GRM7: variants seen among roughly 807,000 people sequenced by gnomAD.
GRM7 encodes the protein glutamate metabotropic receptor 7.
Under a neutral mutation model 84.5 loss-of-function variants are expected in GRM7, and 35 were observed. That is an observed-to-expected ratio of 0.41 (90% CI 0.32 to 0.55). The LOEUF (loss-of-function observed/expected upper bound fraction) is 0.55, where lower values mean the gene tolerates loss of function less well. GRM7 is among the 20% of genes least tolerant of loss of function. The pLI is 0.19. For missense variants in GRM7, 1,003 were observed against 1,194.6 expected (o/e 0.84, Z 2.36); for synonymous variants, 487 against 455.1 (o/e 1.07, Z -0.89).
intron 2 of GRM7, among the ~76,000 whole-genome samples, chr3:7,221,585 G>T (rs895536778): frequency 6.6e-6 from 1 of 151,746 alleles, no homozygotes; most frequent in South Asian, 2.1e-4. Context: ...GTTCCACCAT[G>T]ATTTTATTTT....
intron 2 of GRM7, among the ~76,000 whole-genome samples, chr3:7,165,215 G>T (rs577047817): frequency 6.6e-6 from 1 of 152,176 alleles, no homozygotes; most frequent in East Asian, 1.9e-4. Context: ...ACCCCATGGC[G>T]CATCCCAGTA....
At chr3:7,108,271 C>T (rs1003818631) in intron 1 of GRM7, among the ~76,000 whole-genome samples, 5 of 152,046 alleles carry the variant, frequency 3.3e-5, no homozygotes, top group African/African-American at 1.2e-4. Context: ...TAGGTTCTGT[C>T]TGATTGCAGG....
chr3:7,541,679 G>A (rs56119102), intron 7 of GRM7, among the ~76,000 whole-genome samples: 13,970 of 152,132 alleles, frequency 0.092, 1,033 homozygotes, highest in African/African-American at 0.21. Context: ...TCCAATCGAC[G>A]ATCTCAGCTA....
intron 8 of GRM7, among the ~76,000 whole-genome samples, chr3:7,623,496 A>T (rs1697459795): frequency 6.6e-6 from 1 of 152,176 alleles, no homozygotes; most frequent in Admixed American, 6.6e-5. Context: ...TTGAATCAGC[A>T]CTCATGTAAG....
intron 2 of GRM7, among the ~76,000 whole-genome samples, chr3:7,209,999 C>T (rs1326034262): frequency 6.6e-6 from 1 of 152,138 alleles, no homozygotes; most frequent in African/African-American, 2.4e-5. Context: ...GCAGCATGTA[C>T]TAACTCATTA....
At chr3:7,723,524 G>C (rs1702022741) in intron 9 of GRM7, among the ~76,000 whole-genome samples, 1 of 152,096 alleles carries the variant, frequency 6.6e-6, no homozygotes, top group African/African-American at 2.4e-5. Context: ...TTAAGGAAAG[G>C]CTATAACCCC....
rs183236220 is a variant in GRM7 at position 7,532,696 on chromosome 3, C to T, written c.1516-45726C>T. ...TTTGTTTGCTCTTGTTTCTCTACTT[C>T]TTTTAATTGTGATGTTAGGGTGTCA... On this transcript the variant is annotated intron_variant, in intron 7 of 9. Transcript: ENST00000357716. 5.6e-3 allele frequency among the ~76,000 whole-genome samples: 809 copies of T among 145,074 alleles called. 8 individuals are homozygous for T. The highest frequency in any genetic ancestry group is 0.015 in the Middle Eastern group (4 of 266).
chr3:7,639,801 C>T (rs1260399441), intron 8 of GRM7, among the ~76,000 whole-genome samples: 2 of 152,056 alleles, frequency 1.3e-5, no homozygotes, highest in African/African-American at 2.4e-5. Context: ...ATGTAACTGT[C>T]GCCCACAACA....
chr3:7,103,497 T>C (rs879034191), intron 1 of GRM7, among the ~76,000 whole-genome samples: 1 of 151,840 alleles, frequency 6.6e-6, no homozygotes, highest in Admixed American at 6.6e-5. Flanking sequence ...GGATTTGAGA[T>C]TGCCAAAATA....
chr3:7,409,694 G>A (rs1206944888), intron 4 of GRM7, among the ~76,000 whole-genome samples: 1 of 152,048 alleles, frequency 6.6e-6, no homozygotes, highest in East Asian at 1.9e-4. Flanking sequence ...TCTGCCTCCT[G>A]GGTTCAAGCA....
chr3:7,299,681 C>CTGTTCAGCATTTTATTTATCATTT (rs1699930830), intron 3 of GRM7, among the ~76,000 whole-genome samples: 1 of 152,060 alleles, frequency 6.6e-6, no homozygotes, highest in African/African-American at 2.4e-5. Context: ...GTGTGCATTC[C>CTGTTCAGCATTTTATTTATCATTT]TGTTCAGCAT....
At chr3:7,229,914 A>G (rs1312186537) in intron 2 of GRM7, among the ~76,000 whole-genome samples, 1 of 129,398 alleles carries the variant, frequency 7.7e-6, no homozygotes, top group Non-Finnish European at 1.6e-5. Flanking sequence ...ATCTCAGCTC[A>G]CTGCAAGCTC....
intron 2 of GRM7, among the ~76,000 whole-genome samples, chr3:7,172,604 A>G (rs374728415): frequency 5.9e-4 from 83 of 141,174 alleles, no homozygotes; most frequent in African/African-American, 2.1e-3. Context: ...CAAAAATGGC[A>G]TCATTGCACA....
At chr3:7,395,376 T>G (rs1015783419) in intron 4 of GRM7, among the ~76,000 whole-genome samples, 7 of 152,310 alleles carry the variant, frequency 4.6e-5, no homozygotes, top group South Asian at 2.1e-4. Flanking sequence ...AATAACTGTT[T>G]TACATTACTA....
chr3:7,402,082 C>T (rs1486137688), intron 4 of GRM7, among the ~76,000 whole-genome samples: 1 of 152,118 alleles, frequency 6.6e-6, no homozygotes, highest in Non-Finnish European at 1.5e-5. Flanking sequence ...ATTGACTCAT[C>T]TCCCCAGGCA....
intron 8 of GRM7, among the ~76,000 whole-genome samples, chr3:7,614,671 C>T (rs1697000743): frequency 1.3e-5 from 2 of 152,130 alleles, no homozygotes; most frequent in South Asian, 4.1e-4. Context: ...TTCTCTTCCA[C>T]ATTAACCTGT....
At chr3:7,303,074 G>C (rs888376780) in intron 3 of GRM7, among the ~76,000 whole-genome samples, 5 of 151,604 alleles carry the variant, frequency 3.3e-5, no homozygotes, top group African/African-American at 1.2e-4. Flanking sequence ...CTGAGTAGCT[G>C]GGACTACAGG....
At chr3:7,231,265 C>A (rs1352420115) in intron 2 of GRM7, among the ~76,000 whole-genome samples, 2 of 152,122 alleles carry the variant, frequency 1.3e-5, no homozygotes, top group Non-Finnish European at 2.9e-5. Flanking sequence ...AACCAAAGAA[C>A]ATGTACCCTA....
intron 6 of GRM7, among the ~76,000 whole-genome samples, chr3:7,460,099 T>TAAAAAAAAAAAAAAAAAA (rs71066013): frequency 2.2e-4 from 11 of 49,544 alleles, no homozygotes; most frequent in South Asian, 1.3e-3. Flanking sequence ...CTTAAAATAG[T>TAAAAAAAAAAAAAAAAAA]AAAAAAAAAA....
Sources: allele counts gnomAD v4.1 joint callset (sites outside exome capture counted in the v4.1 genomes callset), GRCh38; gene constraint gnomAD v4.1.1; transcripts MANE v1.5; gene names NCBI Gene and HGNC (gene_info 2026-07-23, HGNC 2026-07-21).